Variants in RAD54B observed in about 807,000 individuals in gnomAD.
RAD54B encodes the protein DNA repair and recombination protein RAD54B.
A neutral mutation model predicts 95.8 loss-of-function variants in RAD54B; 78 were observed. The observed-to-expected ratio is 0.81, with a 90% CI of 0.68 to 0.98. The LOEUF is 0.98. RAD54B is among the 50% of genes least tolerant of loss of function. The pLI, the probability that RAD54B is intolerant of heterozygous loss-of-function variation, is 0.00. For missense variants in RAD54B, 957 were observed against 1,056.6 expected (o/e 0.91, Z 1.31); for synonymous variants, 328 against 354.9 (o/e 0.92, Z 0.85).
At position 94,445,242 on chromosome 8, in the gene RAD54B, G is replaced by A. The variant is rs568686906; in HGVS notation, c.304+13026C>T. Among the ~76,000 whole-genome samples the A allele has an allele frequency of 3.2e-4, 48 of 152,098 alleles. 1 individual carries two copies. The East Asian group carries it at 7.7e-3, about 24-fold the overall frequency. On this transcript the variant is annotated intron_variant, in intron 3 of 14. Coordinates refer to ENST00000336148, the MANE Select transcript of RAD54B (RefSeq NM_012415.3). The stretch of plus-strand genomic sequence containing the variant: ...GGGCCTATTTTAAAGGGTACTAATC[G>A]CATTCATGAGGGCTCCACTCTCATA...
At chr8:94,434,502 A>G (rs1024903849) in intron 3 of RAD54B, among the ~76,000 whole-genome samples, 1 of 151,894 alleles carries the variant, frequency 6.6e-6, no homozygotes. Flanking sequence ...GAAAATAAAT[A>G]GCCTTACAAA....
At chr8:94,438,465 C>T (rs532208158) in intron 3 of RAD54B, among the ~76,000 whole-genome samples, 24 of 152,222 alleles carry the variant, frequency 1.6e-4, no homozygotes, top group Admixed American at 3.3e-4. Context: ...AAAAGAAAAT[C>T]GACCTGCCCC....
At chr8:94,440,607 G>C (rs1312906530) in intron 3 of RAD54B, among the ~76,000 whole-genome samples, 1 of 152,164 alleles carries the variant, frequency 6.6e-6, no homozygotes, top group Non-Finnish European at 1.5e-5. Flanking sequence ...TGCTGTCTGA[G>C]AGTGAAAAAC....
chr8:94,426,270 A>T (rs1325730926), intron 3 of RAD54B, among the ~76,000 whole-genome samples: 1 of 151,992 alleles, frequency 6.6e-6, no homozygotes, highest in Non-Finnish European at 1.5e-5. Context: ...AAAATTAAAA[A>T]AAAAAAAAAA....
chr8:94,432,301 G>A (rs1217789532), intron 3 of RAD54B: 2 of 1,549,986 alleles, frequency 1.3e-6, no homozygotes, highest in African/African-American at 1.4e-5. Flanking sequence ...AAAATTATCT[G>A]ATGCTCCTCT....
In RAD54B at chr8:94,404,177, G is replaced by T; in HGVS notation, c.844C>A (p.Pro282Thr). The change falls in exon 6 of 15, where the codon CCT becomes ACT. Residue 282 changes from proline to threonine, a missense_variant. By Grantham distance (38) the Pro-to-Thr change is conservative. Coordinates refer to ENST00000336148, the MANE Select transcript of RAD54B (RefSeq NM_012415.3). Reference protein sequence around the residue: ...HQWVFNKNCFPLVDVVIDPYL... With the variant: ...HQWVFNKNCFTLVDVVIDPYL... ...GGATCAATCACTACATCCACAAGAG[G>T]GAAACAGTTCTTATTGAATACCCAC... is the stretch of plus-strand genomic sequence containing the variant. 1 of 1,611,570 alleles carries T rather than the reference G, an allele frequency of 6.2e-7. No homozygotes were observed. Among genetic ancestry groups the T allele is most frequent in the Non-Finnish European group, 8.5e-7 (1 of 1,178,318 alleles).
At position 94,384,341 on chromosome 8, in the gene RAD54B, A is replaced by G. The variant is rs1197033274; in HGVS notation, c.1985+2643T>C. 3.3e-5 allele frequency among the ~76,000 whole-genome samples: 5 copies of G among 152,210 alleles called. 1 individual carries two copies. The highest frequency in any genetic ancestry group is 3.3e-4 in the Admixed American group (5 of 15,278). ...TTAAAAAGGAAGGAAATTCTGACAC[A>G]TGCTACAACATGGATAAACCTGGAG... On this transcript the variant is annotated intron_variant, in intron 11 of 14. Transcript: ENST00000336148.
chr8:94,414,460 G>T (rs1811604937), intron 3 of RAD54B, among the ~76,000 whole-genome samples: 1 of 152,036 alleles, frequency 6.6e-6, no homozygotes, highest in African/African-American at 2.4e-5. Flanking sequence ...ATTGGCTGTG[G>T]GTTTGTCATA....
chr8:94,401,230 T>A (rs1811262749), intron 6 of RAD54B, among the ~76,000 whole-genome samples: 1 of 152,110 alleles, frequency 6.6e-6, no homozygotes, highest in South Asian at 2.1e-4. Context: ...TATGGGTTTT[T>A]TTCAATAAAT....
At chr8:94,435,654 C>T (rs1326532301) in intron 3 of RAD54B, among the ~76,000 whole-genome samples, 1 of 152,004 alleles carries the variant, frequency 6.6e-6, no homozygotes, top group African/African-American at 2.4e-5. Context: ...TTTGAAAATT[C>T]CAAGGCAAAT....
chr8:94,468,404 T>C (rs1228604588), intron 1 of RAD54B, among the ~76,000 whole-genome samples: 2 of 152,020 alleles, frequency 1.3e-5, no homozygotes, highest in African/African-American at 2.4e-5. Context: ...AATACAACCA[T>C]GACATATGTA....
intron 3 of RAD54B, chr8:94,428,108 C>T (rs1811989668): frequency 1.1e-6 from 1 of 916,934 alleles, no homozygotes; most frequent in African/African-American, 1.8e-5. Flanking sequence ...ATATCCATTA[C>T]ATTCATATGG....
chr8:94,415,987 A>G (rs1392445502), intron 3 of RAD54B, among the ~76,000 whole-genome samples: 1 of 149,658 alleles, frequency 6.7e-6, no homozygotes, highest in East Asian at 2.0e-4. Context: ...AACTAGAAAT[A>G]CCATTTGACC....
intron 3 of RAD54B, among the ~76,000 whole-genome samples, chr8:94,415,182 G>A (rs1272613944): frequency 4.0e-5 from 6 of 151,772 alleles, no homozygotes; most frequent in Non-Finnish European, 5.9e-5. Flanking sequence ...TAGATCAATG[G>A]AATAGAACAG....
chr8:94,447,701 G>A (rs1488998622), intron 3 of RAD54B, among the ~76,000 whole-genome samples: 1 of 152,162 alleles, frequency 6.6e-6, no homozygotes, highest in South Asian at 2.1e-4. Flanking sequence ...CACAAAGTTA[G>A]GAAATCTTAT....
chr8:94,460,041 C>CCTGCTACT (rs1812869207), intron 2 of RAD54B, among the ~76,000 whole-genome samples: 1 of 151,714 alleles, frequency 6.6e-6, no homozygotes, highest in South Asian at 2.1e-4. Flanking sequence ...GCCTGTAGTC[C>CCTGCTACT]CTGCTACTCT....
At chr8:94,428,519 A>T in intron 3 of RAD54B, 1 of 240,322 alleles carries the variant, frequency 4.2e-6, no homozygotes. Flanking sequence ...ACAATGGCTA[A>T]TATAATGTAA....
intron 4 of RAD54B, among the ~76,000 whole-genome samples, chr8:94,408,408 G>C (rs1811446607): frequency 1.3e-5 from 2 of 152,074 alleles, no homozygotes; most frequent in Admixed American, 6.5e-5. Flanking sequence ...AGACTTCCAT[G>C]CTTGTCTATT....
chr8:94,419,764 A>T lies in RAD54B; in HGVS notation c.305-8449T>A, dbSNP rs1054094720. On this transcript the variant is annotated intron_variant, in intron 3 of 14. Coordinates refer to ENST00000336148, the MANE Select transcript of RAD54B (RefSeq NM_012415.3). ...GCCCCCACCAAAAAAAAAAAAAAAA[A>T]AAAAGCAACATGAACAATTTAACAG... is the stretch of plus-strand genomic sequence containing the variant. Among the ~76,000 whole-genome samples the T allele has an allele frequency of 4.0e-5, 6 of 151,066 alleles. No individual in the cohort carries two copies. The East Asian group carries it at 7.7e-4, about 19-fold the overall frequency.
Sources: allele counts gnomAD v4.1 joint callset (sites outside exome capture counted in the v4.1 genomes callset), GRCh38; gene constraint gnomAD v4.1.1; transcripts MANE v1.5; gene names NCBI Gene and HGNC (gene_info 2026-07-23, HGNC 2026-07-21).